Variants in ADAMTS10 observed in about 807,000 individuals in gnomAD.
ADAMTS10 encodes the protein ADAM metallopeptidase with thrombospondin type 1 motif 10.
In ADAMTS10, 48 loss-of-function variants were observed where a neutral mutation model predicts 135.9. The observed-to-expected ratio is 0.35, with a 90% CI of 0.28 to 0.45. The LOEUF (loss-of-function observed/expected upper bound fraction) is 0.45, where lower values mean the gene tolerates loss of function less well. Among genes scored for constraint, ADAMTS10 ranks in the 20% least tolerant of loss-of-function variants. The pLI, the probability that ADAMTS10 is intolerant of heterozygous loss-of-function variation, is 1.00. For synonymous variants in ADAMTS10, 621 were observed against 647.5 expected (o/e 0.96, Z 0.62); for missense variants, 1,131 against 1,565.2 (o/e 0.72, Z 4.68).
intron 4 of ADAMTS10, 27 bp from the exon 5 acceptor site, chr19:8,603,911 G>A (rs367778748): frequency 4.4e-6 from 7 of 1,587,544 alleles, no homozygotes; most frequent in South Asian, 2.3e-5. Flanking sequence ...GGGATAGAAA[G>A]CTCTCAGGAT....
intron 5 of ADAMTS10, 105 bp downstream of exon 5, chr19:8,603,623 T>G: frequency 2.0e-6 from 3 of 1,517,156 alleles, no homozygotes; most frequent in Non-Finnish European, 2.7e-6. Flanking sequence ...GCTCCATTCT[T>G]CCCCTCACAT....
chr19:8,592,737 A>C (rs1555739386), intron 13 of ADAMTS10, 26 bp downstream of exon 13: 1 of 1,597,470 alleles, frequency 6.3e-7, no homozygotes, highest in Non-Finnish European at 8.5e-7. Context: ...GGCGTGGCCC[A>C]GTTGGGGGCC....
At chr19:8,590,188 G>A (rs1228383350) in intron 15 of ADAMTS10, among the ~76,000 whole-genome samples, 197 bp from the exon 16 acceptor site, 1 of 152,140 alleles carries the variant, frequency 6.6e-6, no homozygotes, top group Non-Finnish European at 1.5e-5. Flanking sequence ...GGATAGGACT[G>A]GATCCCTCAT....
intron 18 of ADAMTS10, among the ~76,000 whole-genome samples, chr19:8,587,698 G>A (rs1021146713): frequency 1.3e-5 from 2 of 152,136 alleles, no homozygotes; most frequent in East Asian, 3.9e-4. Context: ...TTGGGAGGCT[G>A]AGGCGGGCAG....
Position 8,589,373 on chromosome 19 carries a change from GAGA to G in ADAMTS10, c.2035-11_2035-9del, listed in dbSNP as rs782757249. 1 of 1,612,076 alleles carries G rather than the reference GAGA, an allele frequency of 6.2e-7. No homozygotes were observed. Among genetic ancestry groups the G allele is most frequent in the South Asian group, 1.1e-5 (1 of 91,080 alleles). ...TCGGTCGCAGCCCACGTGCTGCGTG[GAGA>G]AGGCGTGAGTGAGGCGACCCCCTAA... On this transcript the variant is annotated splice_polypyrimidine_tract_variant and intron_variant, in intron 17 of 25. Coordinates refer to ENST00000597188, the MANE Select transcript of ADAMTS10 (RefSeq NM_030957.4).
intron 25 of ADAMTS10, 157 bp from the exon 26 acceptor site, chr19:8,581,159 T>A (rs1156790260): frequency 4.0e-5 from 15 of 374,136 alleles, no homozygotes; most frequent in African/African-American, 2.7e-4. Context: ...TTTTTTTTTT[T>A]ACAGATGTTA....
intron 2 of ADAMTS10, among the ~76,000 whole-genome samples, chr19:8,606,704 G>A (rs1013413996): frequency 6.6e-6 from 1 of 152,254 alleles, no homozygotes; most frequent in Non-Finnish European, 1.5e-5. Flanking sequence ...AGAGTTTGCC[G>A]TGGGTCACAT....
chr19:8,610,393 T>C (rs1227728932), intron 1 of ADAMTS10, among the ~76,000 whole-genome samples: 1 of 145,000 alleles, frequency 6.9e-6, no homozygotes, highest in Non-Finnish European at 1.5e-5. Context: ...ACACATGTAA[T>C]GCACAACCAC....
chr19:8,596,315 G>C lies in ADAMTS10; in HGVS notation c.1182C>G (p.Ile394Met). Residue 394 changes from isoleucine (I) to methionine (M), a missense_variant, in exon 10 of 26, where the codon ATC becomes ATG. Ile to Met is a conservative substitution (Grantham distance 10). Around this residue, in one of 3 missense-constraint regions of ADAMTS10, gnomAD observed 745 missense variants for 1,056.3 expected, o/e 0.71. Transcript: ENST00000597188. The surrounding 1 kb of genome is among the most constrained non-coding windows in gnomAD (Gnocchi z 7.2). ...GTGTGCCCTGGCCTCACGTGTGCCC[G>C]ATCTCGTGGGCAATGGTGAACGCTG... ...LATAFTIAHEIGHTFGMNHDG... is the reference protein window; with the variant it reads ...LATAFTIAHEMGHTFGMNHDG... 1 of 1,612,756 alleles carries C rather than the reference G, an allele frequency of 6.2e-7. No homozygotes were observed. The highest frequency in any genetic ancestry group is 8.5e-7 in the Non-Finnish European group (1 of 1,179,892).
chr19:8,603,760 T>A lies in ADAMTS10; in HGVS notation c.560A>T (p.His187Leu), dbSNP rs782769457. Reference sequence around the variant, plus strand: ...TCCACAGGCTGTGTCCAGGTGGGGGTGACGCAGAGAGGAACGCTTGTACAC... The same window carrying A: ...TCCACAGGCTGTGTCCAGGTGGGGGAGACGCAGAGAGGAACGCTTGTACAC... ...HVVYKRSSLR[H>L]PHLDTACGVR... Residue 187 changes from histidine to leucine, a missense_variant, in exon 5 of 26, where the codon CAC becomes CTC. Around this residue, in one of 3 missense-constraint regions of ADAMTS10, gnomAD observed 306 missense variants for 344.4 expected, o/e 0.89. Transcript: ENST00000597188. The A allele has an allele frequency of 1.9e-6, 3 of 1,613,944 alleles. No individual in the cohort carries two copies. Among genetic ancestry groups the A allele is most frequent in the Non-Finnish European group, 2.5e-6 (3 of 1,179,980 alleles).
rs1242655503 is a variant in ADAMTS10 at position 8,601,455 on chromosome 19, A to G, written c.593-310T>C. ...TGGCTCACTGAAACCTCTGCCTCCC[A>G]GGTTCAAGCGATTCTCCTGCCTCAG... is the stretch of plus-strand genomic sequence containing the variant. On this transcript the variant is annotated intron_variant, in intron 5 of 25. Coordinates refer to ENST00000597188, the MANE Select transcript of ADAMTS10 (RefSeq NM_030957.4). This position sits in a 1 kb window ranked among gnomAD's most constrained non-coding sequence, Gnocchi z 4.6. 6.7e-6 allele frequency among the ~76,000 whole-genome samples: 1 copy of G among 148,724 alleles called. No homozygotes were observed. Among genetic ancestry groups the G allele is most frequent in the Non-Finnish European group, 1.5e-5 (1 of 67,482 alleles).
At chr19:8,597,967 C>T (rs2042624355) in intron 6 of ADAMTS10, among the ~76,000 whole-genome samples, 1 of 152,078 alleles carries the variant, frequency 6.6e-6, no homozygotes, top group Non-Finnish European at 1.5e-5. Context: ...CCGTGCCCAG[C>T]CATGCCCGCC....
chr19:8,585,195 G>A lies in ADAMTS10; in HGVS notation c.2979C>T (p.Ala993=), dbSNP rs1188089336. Residue 993 remains alanine, a synonymous_variant, in exon 24 of 26, where the codon GCC becomes GCT. Transcript: ENST00000597188. The part of the protein sequence containing the change: ...AHCSPAAKPP[A]TMRCNLRRCP... ...AGCGGCGCAAGTTGCAGCGCATGGTGGCCGGTGGCTTGGCGGCGGGTGAGC... is the reference window on the plus strand; with the variant it reads ...AGCGGCGCAAGTTGCAGCGCATGGTAGCCGGTGGCTTGGCGGCGGGTGAGC... 1 of 1,419,522 alleles carries A rather than the reference G, an allele frequency of 7.0e-7. No individual in the cohort carries two copies. 87.9% of individuals were successfully genotyped at this position (1,419,522 alleles called of 1,614,324 possible). A position where few individuals can be genotyped will look rare whatever the true frequency, so the allele number is the denominator to read the frequency against.
chr19:8,592,874 C>T lies in ADAMTS10; in HGVS notation c.1480-4G>A, dbSNP rs368465218. ...ACCACAGCTCGCTGCAGACCTCCTGCGGGCCGAGGTGCCCGCTCAGGCTCG... is the reference window on the plus strand; with the variant it reads ...ACCACAGCTCGCTGCAGACCTCCTGTGGGCCGAGGTGCCCGCTCAGGCTCG... On this transcript the variant is annotated splice_polypyrimidine_tract_variant and splice_region_variant and intron_variant, in intron 12 of 25. Coordinates refer to ENST00000597188, the MANE Select transcript of ADAMTS10 (RefSeq NM_030957.4). 31 of 1,609,422 alleles carry T rather than the reference C, an allele frequency of 1.9e-5. No homozygotes were observed. The highest frequency in any genetic ancestry group is 6.7e-5 in the African/African-American group (5 of 74,930).
At chr19:8,609,578 G>A (rs1404680554) in intron 1 of ADAMTS10, among the ~76,000 whole-genome samples, 2 of 152,106 alleles carry the variant, frequency 1.3e-5, no homozygotes, top group African/African-American at 4.8e-5. Context: ...GCCGGCAGGA[G>A]GCAGTCCCTG....
rs1410172660 is a variant in ADAMTS10, at chr19:8,592,571, T to G, written c.1587+192A>C. ...GGCGTGGCCAGAACCAAGGGACGCA[T>G]AGACGGTGGGCGTGGCCAACGCGGG... On this transcript the variant is annotated intron_variant, in intron 13 of 25. Coordinates refer to ENST00000597188, the MANE Select transcript of ADAMTS10 (RefSeq NM_030957.4). 2.1e-5 allele frequency among the ~76,000 whole-genome samples: 3 copies of G among 145,144 alleles called. No homozygotes were observed. The South Asian group carries it at 6.6e-4, about 32-fold the overall frequency.
At chr19:8,597,356 G>A (rs2042617486) in intron 6 of ADAMTS10, 39 bp from the exon 7 acceptor site, 3 of 1,582,356 alleles carry the variant, frequency 1.9e-6, no homozygotes, top group African/African-American at 2.7e-5. Flanking sequence ...GTCTTAAGAG[G>A]AGCCCAGGGT....
At chr19:8,600,760 A>C (rs1290095344) in intron 6 of ADAMTS10, among the ~76,000 whole-genome samples, 168 bp downstream of exon 6, 3 of 151,950 alleles carry the variant, frequency 2.0e-5, no homozygotes, top group Admixed American at 2.0e-4. Flanking sequence ...GGCCTCCCGA[A>C]GTGCTGGGAT....
In ADAMTS10 at chr19:8,601,056, G is replaced by A; in HGVS notation, c.682C>T (p.Gln228Ter). ...RPLGNETERG[Q>*]PGLKRSVSRE... ...CTGACCGATCGCTTCAGGCCTGGCTGGCCACGCTCTGTTTCATTCCCCAGG... is the reference window on the plus strand; with the variant it reads ...CTGACCGATCGCTTCAGGCCTGGCTAGCCACGCTCTGTTTCATTCCCCAGG... Residue 228 changes from glutamine to a stop codon, truncating the protein, a stop_gained, in exon 6 of 26, where the codon CAG becomes TAG. Coordinates refer to ENST00000597188, the MANE Select transcript of ADAMTS10 (RefSeq NM_030957.4). LOFTEE classifies it high-confidence loss of function. This position sits in a 1 kb window ranked among gnomAD's most constrained non-coding sequence, Gnocchi z 4.6. 2 of 1,614,134 alleles carry A rather than the reference G, an allele frequency of 1.2e-6. No homozygotes were observed. Among genetic ancestry groups the A allele is most frequent in the Non-Finnish European group, 1.7e-6 (2 of 1,180,042 alleles).
Sources: gnomAD v4.1 joint callset for allele counts (sites outside exome capture counted in the v4.1 genomes callset) on GRCh38, gnomAD v4.1.1 for gene constraint, gnomAD v4.1.1 regional missense constraint, Gnocchi (gnomAD v3.1) non-coding constraint, MANE v1.5 for transcripts, NCBI Gene and HGNC (gene_info 2026-07-23, HGNC 2026-07-21) for gene names.